Variants in IKBKG observed in about 807,000 individuals in gnomAD.
IKBKG encodes inhibitor of nuclear factor kappa B kinase regulatory subunit gamma, also known as NF-kappa-B essential modulator.
IKBKG carries 2 observed loss-of-function variants against 13.7 expected under a neutral mutation model. The observed-to-expected ratio is 0.15, with a 90% CI of 0.06 to 0.46. The LOEUF (loss-of-function observed/expected upper bound fraction) is 0.46. Ranked by LOEUF, IKBKG falls within the 20% of genes least tolerant of loss-of-function variation. The probability of loss-of-function intolerance (pLI) is 0.98; values close to 1 mark genes in which losing one functional copy is unlikely to be tolerated. For missense variants in IKBKG, 53 were observed against 150.3 expected, an observed-to-expected ratio of 0.35 and a Z score of 3.39; for synonymous variants, 22 against 64.4, an observed-to-expected ratio of 0.34 and a Z score of 3.15.
intron 2 of IKBKG, among the ~76,000 whole-genome samples, chrX:154,553,193 G>A (rs1348403932): frequency 8.9e-6 from 1 of 112,524 alleles, no homozygotes; most frequent in African/African-American, 3.2e-5. Context: ...TTCCTTGCAG[G>A]AGTCATCCCT....
chrX:154,546,887 G>C (rs2070744006), upstream of IKBKG: 3 of 1,021,550 alleles, frequency 2.9e-6, no homozygotes, highest in Admixed American at 3.3e-5. Flanking sequence ...GGCGGGGGCG[G>C]GGGCGGGCGC....
At chrX:154,547,618 C>A (rs868928265), upstream of IKBKG, 26 of 753,775 alleles carry the variant, frequency 3.4e-5, no homozygotes, top group Middle Eastern at 1.5e-3. Context: ...AGCTATGACA[C>A]CGGAAGCCGG....
In IKBKG at chrX:154,552,103, G is replaced by A; in HGVS notation, c.101G>A (p.Gly34Glu). 3.3e-6 allele frequency: 4 copies of A among 1,197,385 alleles called. No individual in the cohort carries two copies. The highest frequency in any genetic ancestry group is 4.5e-6 in the Non-Finnish European group (4 of 885,114). The change falls in exon 2 of 10, where the codon GGG (glycine) becomes GAG (glutamate). Residue 34 changes from glycine (G) to glutamate (E), a missense_variant. By Grantham distance (98) the Gly-to-Glu change is moderately conservative. Around this residue, in one of 3 missense-constraint regions of IKBKG, gnomAD observed 47 missense variants for 50.0 expected, o/e 0.94. Coordinates refer to ENST00000594239, the MANE Select transcript of IKBKG (RefSeq NM_001099857.5). ...QDVLGEESPL[G>E]KPAMLHLPSE... is the part of the protein sequence containing the mutation. ...GTACTGGGCGAAGAGTCTCCTCTGG[G>A]GAAGCCAGCCATGCTGCACCTGCCT...
intron 1 of IKBKG, among the ~76,000 whole-genome samples, chrX:154,549,737 C>T (rs927286221): frequency 1.8e-5 from 2 of 111,785 alleles, no homozygotes; most frequent in Admixed American, 1.9e-4. Flanking sequence ...AGCTTATCTT[C>T]CCCTCAGCCC....
upstream of IKBKG, chrX:154,546,768 G>T (rs1346811843): frequency 5.3e-6 from 6 of 1,139,570 alleles, no homozygotes; most frequent in Non-Finnish European, 7.0e-6. Flanking sequence ...CCGCCTGCGC[G>T]GCGCCCGCCC....
chrX:154,552,195 G>T lies in IKBKG; in HGVS notation c.187+6G>T. 8.5e-7 allele frequency: 1 copy of T among 1,181,451 alleles called. No individual in the cohort carries two copies. Among genetic ancestry groups the T allele is most frequent in the Non-Finnish European group, 1.1e-6 (1 of 875,616 alleles). On this transcript the variant is annotated splice_donor_region_variant and intron_variant, in intron 2 of 9. Transcript: ENST00000594239. ...GGAGAATCAAGAGCTCCGAGGTGAG[G>T]AAAGAGTCAGGGGATCCAGCCCTGC...
At chrX:154,550,050 TA>T (rs2070884911) in intron 1 of IKBKG, among the ~76,000 whole-genome samples, 1 of 111,396 alleles carries the variant, frequency 9.0e-6, no homozygotes, top group Non-Finnish European at 1.9e-5. Flanking sequence ...GTTTTCCCAT[TA>T]TTTGGAGGTG....
chrX:154,542,565 G>C, upstream of IKBKG: 2 of 960,948 alleles, frequency 2.1e-6, no homozygotes, highest in Non-Finnish European at 2.8e-6. Flanking sequence ...AGCTGGGTGT[G>C]TGGGCAAGTG....
intron 1 of IKBKG, among the ~76,000 whole-genome samples, chrX:154,541,669 CCCACG>C (rs2070510454): frequency 8.9e-6 from 1 of 111,872 alleles, no homozygotes. Flanking sequence ...TCTCATCTTC[CCCACG>C]CCCTCCTCTT....
intron 2 of IKBKG, among the ~76,000 whole-genome samples, chrX:154,553,325 G>A (rs2070985060): frequency 8.9e-6 from 1 of 112,808 alleles, no homozygotes; most frequent in South Asian, 3.6e-4. Flanking sequence ...TTCTTTGCTG[G>A]ACTGTGGTCC....
intron 1 of IKBKG, among the ~76,000 whole-genome samples, chrX:154,550,131 A>G (rs1303022131): frequency 1.8e-5 from 2 of 110,467 alleles, no homozygotes; most frequent in African/African-American, 6.6e-5. Flanking sequence ...AACAACCACA[A>G]TATCATTATG....
chrX:154,543,508 G>A (rs1312422214), upstream of IKBKG, among the ~76,000 whole-genome samples: 3 of 111,944 alleles, frequency 2.7e-5, no homozygotes, highest in African/African-American at 9.7e-5. Context: ...AGAGCTGAAG[G>A]CCAGGAGTCA....
chrX:154,550,234 T>TTGTGTG (rs371906365), intron 1 of IKBKG, among the ~76,000 whole-genome samples: 19 of 99,517 alleles, frequency 1.9e-4, no homozygotes, highest in Admixed American at 7.8e-4. Flanking sequence ...AGATGTGCTC[T>TTGTGTG]TGTGTGTGTG....
chrX:154,543,137 C>T (rs1233325587), upstream of IKBKG, among the ~76,000 whole-genome samples: 1 of 112,016 alleles, frequency 8.9e-6, no homozygotes, highest in Non-Finnish European at 1.9e-5. Context: ...ATCTCCCCCA[C>T]AGCAGGAAGA....
intron 7 of IKBKG, 70 bp downstream of exon 7, chrX:154,563,023 T>C (rs1342896409): frequency 7.4e-5 from 66 of 892,175 alleles, no homozygotes; most frequent in Non-Finnish European, 9.8e-5. Flanking sequence ...CTTTTTTTTT[T>C]TTTTTGCTTT....
At chrX:154,541,569 C>T (rs782490359) in intron 1 of IKBKG, among the ~76,000 whole-genome samples, 1 of 111,832 alleles carries the variant, frequency 8.9e-6, no homozygotes, top group Admixed American at 9.5e-5. Context: ...GGGAAGACAT[C>T]GGGAAACCTG....
chrX:154,542,711 C>G (rs1192398506), upstream of IKBKG, among the ~76,000 whole-genome samples: 1 of 112,107 alleles, frequency 8.9e-6, no homozygotes, highest in Non-Finnish European at 1.9e-5. Context: ...TCATGCTGAG[C>G]TTGTTCCCAA....
chrX:154,544,547 G>A (rs1603414342), upstream of IKBKG, among the ~76,000 whole-genome samples: 3 of 111,409 alleles, frequency 2.7e-5, no homozygotes, highest in African/African-American at 9.8e-5. Context: ...CACCTGCCTC[G>A]GCCTCCCAAA....
chrX:154,563,319 G>A (rs1398444192), intron 7 of IKBKG, among the ~76,000 whole-genome samples: 1 of 12,165 alleles, frequency 8.2e-5, no homozygotes, highest in African/African-American at 7.6e-4. Context: ...GTGAGCCACC[G>A]CACCCGGCCT....
Sources: gnomAD v4.1 joint callset for allele counts (sites outside exome capture counted in the v4.1 genomes callset) on GRCh38, gnomAD v4.1.1 for gene constraint, gnomAD v4.1.1 regional missense constraint, MANE v1.5 for transcripts, NCBI Gene and HGNC (gene_info 2026-07-23, HGNC 2026-07-21) for gene names.